The following CAMTA1 variants were observed in gnomAD, a reference collection of about 807,000 sequenced individuals.
The protein encoded by CAMTA1 is calmodulin binding transcription activator 1, also known as calmodulin-binding transcription activator 1.
A neutral mutation model predicts 170.9 loss-of-function variants in CAMTA1; 27 were observed. The ratio of observed to expected loss-of-function variants is 0.16; its 90% CI spans 0.12 to 0.22. The LOEUF is 0.22. CAMTA1 is among the 10% of genes least tolerant of loss of function. The pLI, the probability that CAMTA1 is intolerant of heterozygous loss-of-function variation, is 1.00. For synonymous variants in CAMTA1, 833 were observed against 891.5 expected (o/e 0.93, Z 1.17); for missense variants, 1,619 against 2,217.2 (o/e 0.73, Z 5.42).
At chr1:7,670,499 A>T (rs2096050006) in intron 9 of CAMTA1, among the ~76,000 whole-genome samples, 1 of 152,164 alleles carries the variant, frequency 6.6e-6, no homozygotes, top group Non-Finnish European at 1.5e-5. Flanking sequence ...GAGTTCCCTC[A>T]GTCTGTCCAC....
intron 11 of CAMTA1, among the ~76,000 whole-genome samples, chr1:7,710,146 G>A (rs554435049): frequency 6.6e-6 from 1 of 152,336 alleles, no homozygotes; most frequent in African/African-American, 2.4e-5. Context: ...CCAGAGCTCA[G>A]TATACCTTTC....
intron 3 of CAMTA1, among the ~76,000 whole-genome samples, chr1:6,847,796 C>T (rs71631805): frequency 0.17 from 25,131 of 150,610 alleles, 2,208 homozygotes; most frequent in East Asian, 0.29. Flanking sequence ...CTCCGTCTCC[C>T]GGGTTCAAGT....
Position 7,714,267 on chromosome 1 carries a change from T to C in CAMTA1, c.2915-18181T>C, listed in dbSNP as rs1344815237. Among the ~76,000 whole-genome samples, 3 of 152,268 alleles carry C rather than the reference T, an allele frequency of 2.0e-5. No homozygotes were observed. The East Asian group carries it at 5.8e-4, about 29-fold the overall frequency. ...AAAACCAATGAACTATAGAAAGCTT[T>C]TCCTTCAAGAAATTTAGAACATCCA... On this transcript the variant is annotated intron_variant, in intron 11 of 22. Coordinates refer to ENST00000303635, the MANE Select transcript of CAMTA1 (RefSeq NM_015215.4).
chr1:7,577,271 G>T (rs1475965991), intron 6 of CAMTA1, among the ~76,000 whole-genome samples: 1 of 152,174 alleles, frequency 6.6e-6, no homozygotes, highest in African/African-American at 2.4e-5. Context: ...CATCTGGTGT[G>T]TAGAACGAGG....
chr1:7,415,683 A>G (rs954685685), intron 5 of CAMTA1, among the ~76,000 whole-genome samples: 1 of 152,204 alleles, frequency 6.6e-6, no homozygotes, highest in African/African-American at 2.4e-5. Flanking sequence ...TCCTGAATAC[A>G]GCACACTGAT....
chr1:7,139,403 G>A (rs1456655602), intron 4 of CAMTA1, among the ~76,000 whole-genome samples: 1 of 150,150 alleles, frequency 6.7e-6, no homozygotes, highest in African/African-American at 2.5e-5. Context: ...CTATGCTGGT[G>A]CCTCTAGACC....
At chr1:7,356,286 GCCTTGGGCAGGGCTCAAGTGC>G (rs1381719473) in intron 5 of CAMTA1, among the ~76,000 whole-genome samples, 1 of 152,230 alleles carries the variant, frequency 6.6e-6, no homozygotes, top group Non-Finnish European at 1.5e-5. Flanking sequence ...CTCTGTGGAG[GCCTTGGGCAGGGCTCAAGTGC>G]CCTTGGCCGA....
At chr1:7,061,213 C>T (rs1558041699) in intron 3 of CAMTA1, among the ~76,000 whole-genome samples, 2 of 152,248 alleles carry the variant, frequency 1.3e-5, no homozygotes, top group South Asian at 2.1e-4. Context: ...CCAAGCTCCC[C>T]CCTCCACGCC....
At chr1:7,372,646 A>G (rs1203796400) in intron 5 of CAMTA1, among the ~76,000 whole-genome samples, 2 of 152,218 alleles carry the variant, frequency 1.3e-5, no homozygotes, top group African/African-American at 4.8e-5. Flanking sequence ...CGCCACAGTG[A>G]TGGAGCCCCG....
At chr1:6,987,982 AC>A (rs954730244) in intron 3 of CAMTA1, among the ~76,000 whole-genome samples, 2 of 152,090 alleles carry the variant, frequency 1.3e-5, no homozygotes, top group Non-Finnish European at 1.5e-5. Flanking sequence ...TGACTCCAGC[AC>A]CAGACCAGCA....
intron 5 of CAMTA1, among the ~76,000 whole-genome samples, chr1:7,340,548 G>GCTTGCCTC (rs2083729992): frequency 9.8e-6 from 1 of 102,502 alleles, no homozygotes; most frequent in Non-Finnish European, 2.0e-5. Flanking sequence ...CTGCCTGCCT[G>GCTTGCCTC]CCTGCCTCCC....
At position 7,463,800 on chromosome 1, in the gene CAMTA1, A is replaced by G. The variant is rs2093148569; in HGVS notation, c.439-4030A>G. ...TGCTTCCTTCTTGGGCCACTAAGCC[A>G]TCACTGCCCAGCCTTCAGGAGCCCT... is the stretch of plus-strand genomic sequence containing the variant. On this transcript the variant is annotated intron_variant, in intron 5 of 22. Transcript: ENST00000303635. This position sits in a 1 kb window ranked among gnomAD's most constrained non-coding sequence, Gnocchi z 4.7. Among the ~76,000 whole-genome samples, 1 of 152,178 alleles carries G rather than the reference A, an allele frequency of 6.6e-6. No individual in the cohort carries two copies.
At position 7,443,727 on chromosome 1, in the gene CAMTA1, G is replaced by T. The variant is rs1208340600; in HGVS notation, c.439-24103G>T. On this transcript the variant is annotated intron_variant, in intron 5 of 22. Transcript: ENST00000303635. The surrounding 1 kb of genome is among the most constrained non-coding windows in gnomAD (Gnocchi z 4.1). Reference sequence around the variant, plus strand: ...CAGAGGTGGGTTTTGTAGATGTGGAGGTTTGGTAAGAAGGGAGAAGTGGGG... The same window carrying T: ...CAGAGGTGGGTTTTGTAGATGTGGATGTTTGGTAAGAAGGGAGAAGTGGGG... Among the ~76,000 whole-genome samples the T allele has an allele frequency of 6.6e-6, 1 of 152,144 alleles. No homozygotes were observed. The highest frequency in any genetic ancestry group is 6.5e-5 in the Admixed American group (1 of 15,282).
chr1:7,310,591 TTTC>T (rs1208198850), intron 5 of CAMTA1, among the ~76,000 whole-genome samples: 2 of 108,784 alleles, frequency 1.8e-5, no homozygotes, highest in Admixed American at 8.7e-5. Flanking sequence ...TTCTTTTTCT[TTTC>T]TTTTCTTTTC....
chr1:7,460,392 T>C (rs771151207), intron 5 of CAMTA1, among the ~76,000 whole-genome samples: 1 of 152,174 alleles, frequency 6.6e-6, no homozygotes, highest in African/African-American at 2.4e-5. Flanking sequence ...TGATTTGGTC[T>C]CGTGTGTTTG....
chr1:7,084,394 T>C (rs1640441599), intron 3 of CAMTA1, among the ~76,000 whole-genome samples: 1 of 152,134 alleles, frequency 6.6e-6, no homozygotes, highest in Non-Finnish European at 1.5e-5. Flanking sequence ...TGGACCCTTC[T>C]ATGGGGTTGA....
At chr1:7,684,790 G>A (rs1219265413) in intron 11 of CAMTA1, among the ~76,000 whole-genome samples, 2 of 152,164 alleles carry the variant, frequency 1.3e-5, no homozygotes, top group African/African-American at 4.8e-5. Flanking sequence ...GAGGAACACT[G>A]TTCAATGCAG....
At chr1:7,498,377 G>C (rs970789067) in intron 6 of CAMTA1, among the ~76,000 whole-genome samples, 23 of 151,214 alleles carry the variant, frequency 1.5e-4, no homozygotes, top group African/African-American at 5.6e-4. Flanking sequence ...GTGTGTGTAT[G>C]AGTGGATGTG....
intron 3 of CAMTA1, among the ~76,000 whole-genome samples, chr1:6,830,294 T>C (rs781269996): frequency 1.3e-5 from 2 of 151,868 alleles, no homozygotes; most frequent in Non-Finnish European, 2.9e-5. Flanking sequence ...TCCGCCCGCC[T>C]TGGTGTCCCA....
Sources: gnomAD v4.1 joint callset for allele counts (sites outside exome capture counted in the v4.1 genomes callset) on GRCh38, gnomAD v4.1.1 for gene constraint, Gnocchi (gnomAD v3.1) non-coding constraint, MANE v1.5 for transcripts, NCBI Gene and HGNC (gene_info 2026-07-23, HGNC 2026-07-21) for gene names.